Variants in TRPV6 observed in about 807,000 individuals in gnomAD.
TRPV6 encodes transient receptor potential cation channel subfamily V member 6.
TRPV6 carries 39 observed loss-of-function variants against 79.0 expected under a neutral mutation model. The ratio of observed to expected loss-of-function variants is 0.49; its 90% CI spans 0.38 to 0.64. The LOEUF is 0.64. TRPV6 is among the 30% of genes least tolerant of loss of function. The pLI is 0.00. For synonymous variants in TRPV6, 373 were observed against 391.9 expected, an observed-to-expected ratio of 0.95 and a Z score of 0.57; for missense variants, 813 against 1,011.1, an observed-to-expected ratio of 0.80 and a Z score of 2.66.
chr7:142,873,585 G>C lies in TRPV6; in HGVS notation c.1771C>G (p.Leu591Val). Residue 591 changes from leucine (L) to valine (V), a missense_variant, in exon 13 of 15, where the codon CTG becomes GTG. Leu to Val is a conservative substitution (Grantham distance 32, BLOSUM62 1). This residue lies in a region of TRPV6 where 94 missense variants were observed against 194.0 expected (regional missense o/e 0.48). Transcript: ENST00000359396. This position sits in a 1 kb window ranked among gnomAD's most constrained non-coding sequence, Gnocchi z 4.8. The stretch of plus-strand genomic sequence containing the variant: ...TAGGTGATGCTGTACATGAAGGGCA[G>C]GTCCACGTTGTAGTTGGCTGGGCCA... The C allele has an allele frequency of 6.2e-7, 1 of 1,614,230 alleles. No individual in the cohort carries two copies. Among genetic ancestry groups the C allele is most frequent in the Non-Finnish European group, 8.5e-7 (1 of 1,180,044 alleles).
intron 1 of TRPV6, chr7:142,883,655 T>C (rs1435029270): frequency 6.6e-6 from 1 of 152,272 alleles, no homozygotes; most frequent in South Asian, 2.1e-4. Context: ...ATTTACTTAG[T>C]CATCCCATGT....
In TRPV6 at chr7:142,876,853, G is replaced by T; in HGVS notation, c.608-16C>A. ...GGGTGCTCCCCTGTGGACACAGAGAGATCTATGGTAGGAGAGTGCAGGATG... is the reference window on the plus strand; with the variant it reads ...GGGTGCTCCCCTGTGGACACAGAGATATCTATGGTAGGAGAGTGCAGGATG... On this transcript the variant is annotated splice_polypyrimidine_tract_variant and intron_variant, in intron 4 of 14. Coordinates refer to ENST00000359396, the MANE Select transcript of TRPV6 (RefSeq NM_018646.6). 1 of 1,613,894 alleles carries T rather than the reference G, an allele frequency of 6.2e-7. No individual in the cohort carries two copies. The highest frequency in any genetic ancestry group is 8.5e-7 in the Non-Finnish European group (1 of 1,179,876).
At chr7:142,878,313 A>G (rs1795122642) in intron 1 of TRPV6, 1 of 488,920 alleles carries the variant, frequency 2.0e-6, no homozygotes, top group Admixed American at 3.3e-5. Flanking sequence ...TGAATGTATT[A>G]TCAGTGCATT....
intron 1 of TRPV6, chr7:142,882,529 A>T (rs1031494039): frequency 1.3e-5 from 2 of 152,152 alleles, no homozygotes. Flanking sequence ...GTGACCACAG[A>T]TGAAGGAAAG....
chr7:142,885,342 T>A (rs755024861), intron 1 of TRPV6, 47 bp downstream of exon 1: 2 of 1,559,464 alleles, frequency 1.3e-6, no homozygotes, highest in Non-Finnish European at 1.7e-6. Flanking sequence ...GGGGTAGAGG[T>A]GCAGGCCTGG....
Position 142,871,580 on chromosome 7 carries a change from G to T in TRPV6, c.*127C>A. 1.7e-6 allele frequency: 2 copies of T among 1,160,642 alleles called. No individual in the cohort carries two copies. Among genetic ancestry groups the T allele is most frequent in the Non-Finnish European group, 2.4e-6 (2 of 823,458 alleles). 71.9% of individuals were successfully genotyped at this position (1,160,642 alleles called of 1,614,324 possible). A position where few individuals can be genotyped will look rare whatever the true frequency, so the allele number is the denominator to read the frequency against. On this transcript the variant is annotated 3_prime_UTR_variant, in exon 15 of 15. Coordinates refer to ENST00000359396, the MANE Select transcript of TRPV6 (RefSeq NM_018646.6). ...TGATTCTCAACGTACATTCCTTGGC[G>T]TTCATGCTACTCCTCTTTCTCCCCT... is the stretch of plus-strand genomic sequence containing the variant.
chr7:142,879,197 T>C (rs1315678750), intron 1 of TRPV6: 1 of 152,254 alleles, frequency 6.6e-6, no homozygotes, highest in Non-Finnish European at 1.5e-5. Context: ...AATGTTCCCA[T>C]TCTGTCTTCG....
chr7:142,876,159 G>T (rs1213471268), intron 6 of TRPV6: 2 of 692,366 alleles, frequency 2.9e-6, no homozygotes, highest in Non-Finnish European at 4.6e-6. Flanking sequence ...GGGCTGAAAG[G>T]GAAGGTGGGC....
Position 142,875,229 on chromosome 7 carries a change from G to A in TRPV6, c.1243-65C>T, listed in dbSNP as rs1795033628. On this transcript the variant is annotated intron_variant, in intron 8 of 14. Coordinates refer to ENST00000359396, the MANE Select transcript of TRPV6 (RefSeq NM_018646.6). ...CAGGCCTCTGCCCTGCATTTCCATG[G>A]TGCCCAGGGTCACCAGTCTTAGCAG... 3.8e-6 allele frequency: 6 copies of A among 1,566,658 alleles called. No individual in the cohort carries two copies. The East Asian group carries it at 1.1e-4, about 29-fold the overall frequency.
intron 1 of TRPV6, chr7:142,881,737 A>G (rs1795195956): frequency 6.6e-6 from 1 of 152,236 alleles, no homozygotes; most frequent in Non-Finnish European, 1.5e-5. Context: ...TCTTGAGCAA[A>G]CAGATCAATG....
intron 8 of TRPV6, 115 bp downstream of exon 8, chr7:142,875,353 A>T: frequency 7.7e-7 from 1 of 1,301,744 alleles, no homozygotes; most frequent in South Asian, 1.4e-5. Flanking sequence ...GTTTGTACCC[A>T]TATATTTGAG....
In TRPV6 at chr7:142,876,505, T is replaced by C. The variant is rs1194481075; in HGVS notation, c.785A>G (p.Tyr262Cys). 1 of 1,614,136 alleles carries C rather than the reference T, an allele frequency of 6.2e-7. No homozygotes were observed. ...CTGCAGGTGGTCCCCATGTCTGTCGTAGGACAGCAACAGGTTGTACATCTG... is the reference window on the plus strand; with the variant it reads ...CTGCAGGTGGTCCCCATGTCTGTCGCAGGACAGCAACAGGTTGTACATCTG... Residue 262 changes from tyrosine to cysteine, a missense_variant, in exon 6 of 15, where the codon TAC (tyrosine) becomes TGC (cysteine). Around this residue, in one of 3 missense-constraint regions of TRPV6, gnomAD observed 555 missense variants for 631.0 expected, o/e 0.88. Transcript: ENST00000359396.
At position 142,876,546 on chromosome 7, in the gene TRPV6, G is replaced by T. The variant is rs1369112091; in HGVS notation, c.744C>A (p.Asn248Lys). Residue 248 changes from asparagine (N) to lysine (K), a missense_variant, in exon 6 of 15, where the codon AAC (asparagine) becomes AAA (lysine). Physicochemically the swap from Asn to Lys is moderately conservative, Grantham distance 94. Transcript: ENST00000359396. Reference sequence around the variant, plus strand: ...TGTACATCTGGCAGGCAAAGGTTTTGTTGGGCTGGAGGATGAGGATGTGTA... The same window carrying T: ...TGTACATCTGGCAGGCAAAGGTTTTTTTGGGCTGGAGGATGAGGATGTGTA... 6.2e-7 allele frequency: 1 copy of T among 1,614,164 alleles called. No homozygotes were observed. Among genetic ancestry groups the T allele is most frequent in the Non-Finnish European group, 8.5e-7 (1 of 1,180,014 alleles).
Position 142,873,768 on chromosome 7 carries a change from G to A in TRPV6, c.1640-52C>T, listed in dbSNP as rs1176312124. On this transcript the variant is annotated intron_variant, in intron 12 of 14. Transcript: ENST00000359396. The surrounding 1 kb of genome is among the most constrained non-coding windows in gnomAD (Gnocchi z 4.8). ...ACCATGGCAACCATGCAGACGACCAGCCCACCCCGGGCTCTGCGTGCATGT... is the reference window on the plus strand; with the variant it reads ...ACCATGGCAACCATGCAGACGACCAACCCACCCCGGGCTCTGCGTGCATGT... The A allele has an allele frequency of 1.9e-6, 3 of 1,605,062 alleles. No individual in the cohort carries two copies. Among genetic ancestry groups the A allele is most frequent in the East Asian group, 2.2e-5 (1 of 44,662 alleles).
Position 142,885,690 on chromosome 7 carries a change from G to T in TRPV6, c.-54C>A. ...CCTTGGGAGTCTCCCAGCAGCCCCAGCCAGTTTGGAGAGGGCTGTGAGTTT... is the reference window on the plus strand; with the variant it reads ...CCTTGGGAGTCTCCCAGCAGCCCCATCCAGTTTGGAGAGGGCTGTGAGTTT... On this transcript the variant is annotated 5_prime_UTR_variant, in exon 1 of 15. In the 5' UTR this introduces an upstream ATG that the reference lacks. Transcript: ENST00000359396. 1 of 869,910 alleles carries T rather than the reference G, an allele frequency of 1.1e-6. No individual in the cohort carries two copies. Among genetic ancestry groups the T allele is most frequent in the Non-Finnish European group, 1.7e-6 (1 of 599,616 alleles). 53.9% of individuals were successfully genotyped at this position (869,910 alleles called of 1,614,324 possible).
chr7:142,871,276 C>A lies in TRPV6; in HGVS notation c.*431G>T. On this transcript the variant is annotated 3_prime_UTR_variant, in exon 15 of 15. Coordinates refer to ENST00000359396, the MANE Select transcript of TRPV6 (RefSeq NM_018646.6). ...CTAGCCCCACTTCCCACCCCCAGAG[C>A]CGTTCCTGTCTCCCTCACTCACACG... is the stretch of plus-strand genomic sequence containing the variant. 1 of 485,014 alleles carries A rather than the reference C, an allele frequency of 2.1e-6. No homozygotes were observed. The highest frequency in any genetic ancestry group is 1.9e-5 in the African/African-American group (1 of 52,082). 30.0% of individuals were successfully genotyped at this position (485,014 alleles called of 1,614,324 possible). A position where few individuals can be genotyped will look rare whatever the true frequency, so the allele number is the denominator to read the frequency against.
intron 6 of TRPV6, 26 bp from the exon 7 acceptor site, chr7:142,875,930 G>T: frequency 6.4e-7 from 1 of 1,551,370 alleles, no homozygotes; most frequent in Middle Eastern, 1.7e-4. Context: ...GATGACTCAG[G>T]AGCAGTAAGC....
intron 3 of TRPV6, 55 bp downstream of exon 3, chr7:142,877,596 T>A (rs1586191013): frequency 6.3e-7 from 1 of 1,586,890 alleles, no homozygotes. Flanking sequence ...AGAGACTGAC[T>A]TGAAATACCC....
chr7:142,885,281 A>G (rs1795281623), intron 1 of TRPV6, 108 bp downstream of exon 1: 1 of 1,355,194 alleles, frequency 7.4e-7, no homozygotes, highest in Non-Finnish European at 1.0e-6. Context: ...TGGGAGCACC[A>G]TCTGTCCAGC....
Sources: gnomAD v4.1 joint callset for allele counts on GRCh38, gnomAD v4.1.1 for gene constraint, gnomAD v4.1.1 regional missense constraint, Gnocchi (gnomAD v3.1) non-coding constraint, MANE v1.5 for transcripts, NCBI Gene and HGNC (gene_info 2026-07-23, HGNC 2026-07-21) for gene names.